ADGRV1: variants seen among roughly 807,000 people sequenced by gnomAD.
ADGRV1 encodes the protein adhesion G protein-coupled receptor V1.
A neutral mutation model predicts 596.2 loss-of-function variants in ADGRV1; 359 were observed. The observed-to-expected ratio is 0.60, with a 90% confidence interval of 0.55 to 0.66. The LOEUF (loss-of-function observed/expected upper bound fraction) is 0.66, where lower values mean the gene tolerates loss of function less well. Ranked by LOEUF, ADGRV1 falls within the 30% of genes least tolerant of loss-of-function variation. The probability of loss-of-function intolerance (pLI) is 0.00; values close to 1 mark genes in which losing one functional copy is unlikely to be tolerated. For synonymous variants in ADGRV1, 2,681 were observed against 2,679.2 expected, an observed-to-expected ratio of 1.00 and a Z score of -0.02; for missense variants, 7,274 against 7,575.6, an observed-to-expected ratio of 0.96 and a Z score of 1.48.
intron 83 of ADGRV1, among the ~76,000 whole-genome samples, chr5:90,921,080 G>T (rs927348831): frequency 6.6e-6 from 1 of 152,122 alleles, no homozygotes; most frequent in South Asian, 2.1e-4. Flanking sequence ...CTCCCAGATT[G>T]TATGTTCCTT....
chr5:90,677,148 A>G (rs1396431407), intron 25 of ADGRV1, among the ~76,000 whole-genome samples: 1 of 152,188 alleles, frequency 6.6e-6, no homozygotes, highest in African/African-American at 2.4e-5. Flanking sequence ...TTACCTCATT[A>G]TTATTATTTA....
intron 70 of ADGRV1, chr5:90,791,813 T>C (rs1760113681): frequency 1.3e-5 from 2 of 155,718 alleles, no homozygotes; most frequent in Admixed American, 1.3e-4. Context: ...ATGTAGGAAA[T>C]TGGCTATGAT....
chr5:90,678,912 C>A (rs1275191948), intron 25 of ADGRV1, among the ~76,000 whole-genome samples: 1 of 152,080 alleles, frequency 6.6e-6, no homozygotes, highest in Admixed American at 6.6e-5. Flanking sequence ...AAGACAGCAT[C>A]TTTCATAGGT....
intron 87 of ADGRV1, among the ~76,000 whole-genome samples, chr5:91,149,575 T>C (rs1795843085): frequency 6.6e-6 from 1 of 151,996 alleles, no homozygotes; most frequent in Non-Finnish European, 1.5e-5. Context: ...CTCACACCTG[T>C]AATCCCAGCA....
intron 87 of ADGRV1, among the ~76,000 whole-genome samples, chr5:91,115,464 A>G (rs986772898): frequency 1.3e-5 from 2 of 152,218 alleles, no homozygotes; most frequent in South Asian, 4.1e-4. Context: ...AAGCCTGTGC[A>G]TGCAACATCT....
chr5:90,891,267 T>C (rs911690574), intron 83 of ADGRV1, among the ~76,000 whole-genome samples: 5 of 150,600 alleles, frequency 3.3e-5, no homozygotes, highest in African/African-American at 1.2e-4. Flanking sequence ...TCTTTGTGTG[T>C]GTGTTGGAGT....
chr5:90,659,368 TATTAACCAGTGTGATAGTGAC>T (rs1336243571), intron 21 of ADGRV1, among the ~76,000 whole-genome samples: 1 of 152,232 alleles, frequency 6.6e-6, no homozygotes, highest in Non-Finnish European at 1.5e-5. Context: ...GTGATAGTGA[TATTAACCAGTGTGATAGTGAC>T]ATTAACCAGT....
At chr5:90,810,088 G>T in intron 73 of ADGRV1, 145 bp from the exon 74 acceptor site, 1 of 660,260 alleles carries the variant, frequency 1.5e-6, no homozygotes, top group Non-Finnish European at 2.5e-6. Flanking sequence ...TCAATAAATA[G>T]GGTTTGATGG....
intron 78 of ADGRV1, among the ~76,000 whole-genome samples, chr5:90,846,126 A>G (rs1323331594): frequency 6.6e-6 from 1 of 152,256 alleles, no homozygotes; most frequent in Non-Finnish European, 1.5e-5. Flanking sequence ...CTTGAAACAG[A>G]TAAATCATTT....
intron 89 of ADGRV1, among the ~76,000 whole-genome samples, chr5:91,156,640 A>T (rs1419257580): frequency 6.6e-6 from 1 of 152,232 alleles, no homozygotes; most frequent in Non-Finnish European, 1.5e-5. Flanking sequence ...AATGTAAGGA[A>T]TGTCTTCCTT....
Position 90,694,651 on chromosome 5 carries a change from C to G in ADGRV1, c.7895C>G (p.Thr2632Ser), listed in dbSNP as rs772597223. 3.1e-6 allele frequency: 5 copies of G among 1,611,892 alleles called. No individual in the cohort carries two copies. The highest frequency in any genetic ancestry group is 3.3e-5 in the Admixed American group (2 of 59,890). Residue 2632 changes from threonine (T) to serine (S), a missense_variant, in exon 33 of 90, where the codon ACT becomes AGT. Physicochemically the swap from Thr to Ser is moderately conservative, Grantham distance 58. This residue lies in a region of ADGRV1 where 3,643 missense variants were observed against 3,809.2 expected (regional missense o/e 0.96). Coordinates refer to ENST00000405460, the MANE Select transcript of ADGRV1 (RefSeq NM_032119.4). ...VEWRVVGGTA[T>S]EGLDFIGAGE... ...TGGCGTGTTGTTGGTGGAACAGCTA[C>G]TGAAGGTTTAGATTTTATAGGTGCT...
intron 59 of ADGRV1, among the ~76,000 whole-genome samples, chr5:90,772,007 C>T (rs1478626776): frequency 1.3e-5 from 2 of 152,146 alleles, no homozygotes; most frequent in African/African-American, 2.4e-5. Context: ...TGTAATCACC[C>T]TTTTCCCCCC....
At chr5:90,589,999 A>G (rs1306197380) in intron 1 of ADGRV1, among the ~76,000 whole-genome samples, 2 of 152,154 alleles carry the variant, frequency 1.3e-5, no homozygotes, top group African/African-American at 4.8e-5. Context: ...AATGTAAAAT[A>G]TTCCATTTTA....
intron 87 of ADGRV1, among the ~76,000 whole-genome samples, chr5:91,116,749 A>T (rs987483617): frequency 2.6e-5 from 4 of 152,128 alleles, no homozygotes; most frequent in Non-Finnish European, 5.9e-5. Context: ...ATGTTTTGGG[A>T]CATGTTGGGC....
intron 85 of ADGRV1, among the ~76,000 whole-genome samples, chr5:91,006,023 A>G (rs1397784483): frequency 1.3e-5 from 2 of 152,142 alleles, no homozygotes; most frequent in Non-Finnish European, 2.9e-5. Flanking sequence ...ATAGCCACTC[A>G]TGCCTGCTAA....
At chr5:90,660,884 C>G (rs1454284468) in intron 21 of ADGRV1, among the ~76,000 whole-genome samples, 1 of 152,198 alleles carries the variant, frequency 6.6e-6, no homozygotes, top group South Asian at 2.1e-4. Flanking sequence ...TGCTATTTGG[C>G]ACATTGAAAG....
At position 90,625,632 on chromosome 5, in the gene ADGRV1, G is replaced by A. The variant is rs112309254; in HGVS notation, c.672+389G>A. The A allele has an allele frequency of 6.0e-3, 932 of 154,574 alleles. 6 individuals carry two copies. The highest frequency in any genetic ancestry group is 0.019 in the South Asian group (94 of 5,038). 9.6% of individuals were successfully genotyped at this position (154,574 alleles called of 1,614,324 possible). On this transcript the variant is annotated intron_variant, in intron 6 of 89. Coordinates refer to ENST00000405460, the MANE Select transcript of ADGRV1 (RefSeq NM_032119.4). ...TTTGTTGTTGTTTAGAAGGAGTCTC[G>A]CTCTGTTGCCCAGGCTGGAGTGCAG...
At chr5:91,047,178 C>G (rs1241482203) in intron 85 of ADGRV1, among the ~76,000 whole-genome samples, 1 of 152,028 alleles carries the variant, frequency 6.6e-6, no homozygotes, top group African/African-American at 2.4e-5. Context: ...GTTGCCACGC[C>G]TAGTAACTGT....
intron 85 of ADGRV1, among the ~76,000 whole-genome samples, chr5:91,039,755 A>C (rs1272740177): frequency 6.6e-6 from 1 of 152,154 alleles, no homozygotes; most frequent in Non-Finnish European, 1.5e-5. Flanking sequence ...GATGAAGGAA[A>C]GATAATGATG....
Sources: gnomAD v4.1 joint callset for allele counts (sites outside exome capture counted in the v4.1 genomes callset) on GRCh38, gnomAD v4.1.1 for gene constraint, gnomAD v4.1.1 regional missense constraint, MANE v1.5 for transcripts, NCBI Gene and HGNC (gene_info 2026-07-23, HGNC 2026-07-21) for gene names.